BRD3: variants seen among roughly 807,000 people sequenced by gnomAD.
BRD3 encodes the protein bromodomain-containing protein 3.
Under a neutral mutation model 66.8 loss-of-function variants are expected in BRD3, and 17 were observed. That is an observed-to-expected ratio of 0.25 (90% CI 0.17 to 0.38). BRD3 has a LOEUF of 0.38. Among genes scored for constraint, BRD3 ranks in the 10% least tolerant of loss-of-function variants. The probability of loss-of-function intolerance (pLI) is 1.00; values close to 1 mark genes in which losing one functional copy is unlikely to be tolerated. For missense variants in BRD3, 713 were observed against 956.1 expected, an observed-to-expected ratio of 0.75 and a Z score of 3.35; for synonymous variants, 421 against 393.2, an observed-to-expected ratio of 1.07 and a Z score of -0.84.
chr9:134,034,925 C>T (rs1477878422), intron 10 of BRD3, 96 bp from the exon 11 acceptor site: 1 of 1,550,792 alleles, frequency 6.4e-7, no homozygotes, highest in African/African-American at 1.4e-5. Flanking sequence ...GCCCTGCACA[C>T]TGGCATCCAT....
intron 1 of BRD3, chr9:134,056,658 A>C (rs547261583): frequency 6.6e-6 from 1 of 152,496 alleles, no homozygotes; most frequent in Non-Finnish European, 1.5e-5. Flanking sequence ...AGGTACTGGG[A>C]CCCACCACCT....
chr9:134,043,972 C>T (rs1830114583), intron 7 of BRD3, among the ~76,000 whole-genome samples: 1 of 152,240 alleles, frequency 6.6e-6, no homozygotes, highest in African/African-American at 2.4e-5. Context: ...GTCTATCCAA[C>T]AGCACCTGTT....
intron 1 of BRD3, chr9:134,054,606 T>G (rs1390843612): frequency 6.6e-6 from 1 of 152,288 alleles, no homozygotes; most frequent in Non-Finnish European, 1.5e-5. Context: ...GTTAGACAGG[T>G]CACGGCTGGA....
At chr9:134,034,565 A>G in intron 11 of BRD3, 136 bp downstream of exon 11, 1 of 1,266,700 alleles carries the variant, frequency 7.9e-7, no homozygotes, top group Non-Finnish European at 1.1e-6. Context: ...TCAGGAGCTC[A>G]AGAGCTCGTC....
At chr9:134,064,675 A>G (rs1347611163) in intron 1 of BRD3, among the ~76,000 whole-genome samples, 1 of 152,150 alleles carries the variant, frequency 6.6e-6, no homozygotes, top group African/African-American at 2.4e-5. Context: ...AGCCTGGCCA[A>G]CATGGTGAAA....
At chr9:134,055,228 C>T (rs1273254149) in intron 1 of BRD3, among the ~76,000 whole-genome samples, 1 of 152,236 alleles carries the variant, frequency 6.6e-6, no homozygotes, top group African/African-American at 2.4e-5. Context: ...TAGCCCGCAC[C>T]GCAGGGTGAT....
intron 1 of BRD3, chr9:134,053,954 T>TG: frequency 5.5e-6 from 1 of 181,084 alleles, no homozygotes. Flanking sequence ...CACCCACTCG[T>TG]GGGGTCGACT....
chr9:134,064,780 C>G (rs1208407325), intron 1 of BRD3, among the ~76,000 whole-genome samples: 2 of 152,154 alleles, frequency 1.3e-5, no homozygotes, highest in Admixed American at 6.5e-5. Flanking sequence ...CAGGGAGGCC[C>G]GGGCACAGGG....
At chr9:134,066,876 G>T (rs1830670842) in intron 1 of BRD3, among the ~76,000 whole-genome samples, 1 of 152,158 alleles carries the variant, frequency 6.6e-6, no homozygotes, top group African/African-American at 2.4e-5. Context: ...GGATTGGGTC[G>T]AACGGAGGAA....
At chr9:134,058,901 T>G (rs2132447472) in intron 1 of BRD3, 1 of 152,376 alleles carries the variant, frequency 6.6e-6, no homozygotes, top group South Asian at 2.1e-4. Flanking sequence ...GCCCCACAGC[T>G]GGTGGGGCAG....
intron 8 of BRD3, among the ~76,000 whole-genome samples, chr9:134,040,594 G>C (rs1830023387): frequency 6.6e-6 from 1 of 152,228 alleles, no homozygotes; most frequent in African/African-American, 2.4e-5. Flanking sequence ...TAAGTTCGGG[G>C]ATACATGTGC....
chr9:134,051,823 C>CGCAGGAGA, intron 3 of BRD3, 114 bp from the exon 4 acceptor site: 1 of 1,146,996 alleles, frequency 8.7e-7, no homozygotes. Context: ...GATTTGGCAG[C>CGCAGGAGA]GCAGGAGAGA....
intron 1 of BRD3, among the ~76,000 whole-genome samples, chr9:134,056,496 G>C (rs777105321): frequency 6.6e-6 from 1 of 152,188 alleles, no homozygotes; most frequent in Non-Finnish European, 1.5e-5. Context: ...AGGACAACAC[G>C]ATGCCATGAT....
At position 134,045,930 on chromosome 9, in the gene BRD3, C is replaced by A. The variant is rs2132409979; in HGVS notation, c.1087-509G>T. Among the ~76,000 whole-genome samples the A allele has an allele frequency of 1.3e-5, 2 of 152,368 alleles. No homozygotes were observed. Among genetic ancestry groups the A allele is most frequent in the South Asian group, 4.1e-4 (2 of 4,830 alleles). On this transcript the variant is annotated intron_variant, in intron 6 of 11. Transcript: ENST00000303407. This position sits in a 1 kb window ranked among gnomAD's most constrained non-coding sequence, Gnocchi z 4.8. The stretch of plus-strand genomic sequence containing the variant: ...AGCCAGCTTGCGTCTTACAGAAGCA[C>A]CCTGGTATCCCAGGGGCCTAGCTGG...
chr9:134,052,867 C>T (rs1830333746), intron 2 of BRD3, among the ~76,000 whole-genome samples: 1 of 152,204 alleles, frequency 6.6e-6, no homozygotes, highest in Admixed American at 6.5e-5. Context: ...CAGATGAGGG[C>T]ACCATCACCT....
At position 134,045,562 on chromosome 9, in the gene BRD3, C is replaced by A. The variant is rs1564551876; in HGVS notation, c.1087-141G>T. 6 of 1,235,136 alleles carry A rather than the reference C, an allele frequency of 4.9e-6. No individual in the cohort carries two copies. The highest frequency in any genetic ancestry group is 6.8e-6 in the Non-Finnish European group (6 of 880,220). The allele number at this position is 1,235,136 out of a possible 1,614,324, so 76.5% of individuals were successfully genotyped here. On this transcript the variant is annotated intron_variant, in intron 6 of 11. Transcript: ENST00000303407. The surrounding 1 kb of genome is among the most constrained non-coding windows in gnomAD (Gnocchi z 4.8). Reference sequence around the variant, plus strand: ...GCCTACTGGCCTGGCCGGCAGGACACCCCAGCTCTCTGGGACCTCGTACGA... The same window carrying A: ...GCCTACTGGCCTGGCCGGCAGGACAACCCAGCTCTCTGGGACCTCGTACGA...
rs370480674 is a variant in BRD3, at chr9:134,039,494, C to T, written c.1643+540G>A. ...AAGCTTGCTCCCACACAGCTGTTGC[C>T]TCCCCCTTGGGAAGCCTCCCTTCCA... On this transcript the variant is annotated intron_variant, in intron 9 of 11. Coordinates refer to ENST00000303407, the MANE Select transcript of BRD3 (RefSeq NM_007371.4). Among the ~76,000 whole-genome samples, 4 of 152,336 alleles carry T rather than the reference C, an allele frequency of 2.6e-5. No individual in the cohort carries two copies. In the East Asian group the frequency reaches 7.7e-4, roughly 29 times the overall value.
chr9:134,034,183 A>C (rs778406016), intron 11 of BRD3, among the ~76,000 whole-genome samples: 1 of 152,080 alleles, frequency 6.6e-6, no homozygotes, highest in Non-Finnish European at 1.5e-5. Flanking sequence ...TGTCCCCCCC[A>C]TATGTGTGTC....
chr9:134,034,656 C>T (rs200751659), intron 11 of BRD3, 45 bp downstream of exon 11: 140 of 1,597,660 alleles, frequency 8.8e-5, no homozygotes, highest in African/African-American at 2.5e-4. Context: ...TGCTGACACC[C>T]CCCACCCCCC....
Sources: gnomAD v4.1 joint callset for allele counts (sites outside exome capture counted in the v4.1 genomes callset) on GRCh38, gnomAD v4.1.1 for gene constraint, Gnocchi (gnomAD v3.1) non-coding constraint, MANE v1.5 for transcripts, NCBI Gene and HGNC (gene_info 2026-07-23, HGNC 2026-07-21) for gene names.